The following ENTPD1 variants were observed in gnomAD, a reference collection of about 807,000 sequenced individuals.
ENTPD1 encodes the protein ectonucleoside triphosphate diphosphohydrolase 1.
ENTPD1 carries 33 observed loss-of-function variants against 57.0 expected under a neutral mutation model. The observed-to-expected ratio is 0.58, with a 90% CI of 0.44 to 0.77. The LOEUF (loss-of-function observed/expected upper bound fraction) is 0.77. Among genes scored for constraint, ENTPD1 ranks in the 30% least tolerant of loss-of-function variants. The pLI, the probability that ENTPD1 is intolerant of heterozygous loss-of-function variation, is 0.00. For missense variants in ENTPD1, 501 were observed against 603.4 expected, an observed-to-expected ratio of 0.83 and a Z score of 1.78; for synonymous variants, 202 against 218.8, an observed-to-expected ratio of 0.92 and a Z score of 0.68.
intron 7 of ENTPD1, among the ~76,000 whole-genome samples, chr10:95,858,860 T>C (rs1357654384): frequency 1.3e-5 from 2 of 152,252 alleles, no homozygotes; most frequent in African/African-American, 2.4e-5. Context: ...TAGACTCTTA[T>C]GTGGCCATTA....
intron 1 of ENTPD1, among the ~76,000 whole-genome samples, chr10:95,792,852 G>C (rs747033839): frequency 6.6e-6 from 1 of 152,210 alleles, no homozygotes; most frequent in Non-Finnish European, 1.5e-5. Context: ...GCAGAGTAAA[G>C]ATGTGCTCTG....
At chr10:95,756,520 G>T in intron 1 of ENTPD1, 1 of 453,954 alleles carries the variant, frequency 2.2e-6, no homozygotes, top group Non-Finnish European at 3.8e-6. Context: ...ATTCAGAGTT[G>T]GTTTTTTTAG....
intron 1 of ENTPD1, among the ~76,000 whole-genome samples, chr10:95,770,256 A>AGTGTGTGTGTGTGT (rs1555282687): frequency 6.8e-4 from 92 of 135,106 alleles, no homozygotes; most frequent in African/African-American, 1.5e-3. Context: ...TGAGTGAGTG[A>AGTGTGTGTGTGTGT]GTGTGTGTGT....
intron 1 of ENTPD1, among the ~76,000 whole-genome samples, chr10:95,712,221 C>T (rs558860923): frequency 5.7e-4 from 86 of 152,158 alleles, no homozygotes; most frequent in African/African-American, 2.0e-3. Context: ...TTTGTCTTTC[C>T]GTGTTGTTGT....
chr10:95,760,814 C>CTTGTTTTTTTTTTTTT (rs2098055717), intron 1 of ENTPD1, among the ~76,000 whole-genome samples: 1 of 62,956 alleles, frequency 1.6e-5, no homozygotes, highest in Non-Finnish European at 2.8e-5. Context: ...AGAGTTTATT[C>CTTGTTTTTTTTTTTTT]TTTTTTTTTT....
Position 95,809,594 on chromosome 10 carries a change from G to A in ENTPD1, c.17-13643G>A, listed in dbSNP as rs538690037. Among the ~76,000 whole-genome samples, 252 of 134,354 alleles carry A rather than the reference G, an allele frequency of 1.9e-3. 5 individuals carry two copies. Among genetic ancestry groups the A allele is most frequent in the African/African-American group, 6.5e-3 (234 of 35,944 alleles). 88.1% of individuals were successfully genotyped at this position (134,354 alleles called of 152,430 possible). ...AGAGGCGCCCCCCCACCTCCCAGAC[G>A]GGGCGGATGCCAGGCAGAGGCGCTC... is the stretch of plus-strand genomic sequence containing the variant. On this transcript the variant is annotated intron_variant, in intron 1 of 9. Coordinates refer to ENST00000371205, the MANE Select transcript of ENTPD1 (RefSeq NM_001776.6).
At chr10:95,792,096 G>A (rs1328457270) in intron 1 of ENTPD1, among the ~76,000 whole-genome samples, 1 of 152,082 alleles carries the variant, frequency 6.6e-6, no homozygotes, top group Non-Finnish European at 1.5e-5. Flanking sequence ...AAAGAAGTGA[G>A]AGTGGGAATG....
chr10:95,752,070 T>G (rs891633887), upstream of ENTPD1, among the ~76,000 whole-genome samples: 2 of 151,800 alleles, frequency 1.3e-5, no homozygotes, highest in African/African-American at 4.8e-5. Flanking sequence ...TAAGGAGAGA[T>G]CAATTTTCAA....
chr10:95,838,077 C>T (rs1350792524), intron 2 of ENTPD1, among the ~76,000 whole-genome samples: 1 of 152,156 alleles, frequency 6.6e-6, no homozygotes, highest in Non-Finnish European at 1.5e-5. Context: ...TAAGCAGCCA[C>T]GTGACAAGCG....
At chr10:95,829,253 A>T (rs189760523) in intron 2 of ENTPD1, among the ~76,000 whole-genome samples, 1 of 152,192 alleles carries the variant, frequency 6.6e-6, no homozygotes. Flanking sequence ...AAATTACCAC[A>T]TTGGGCCACT....
chr10:95,775,605 T>C (rs991815263), intron 1 of ENTPD1, among the ~76,000 whole-genome samples: 2 of 152,066 alleles, frequency 1.3e-5, no homozygotes, highest in South Asian at 2.1e-4. Context: ...TTTTTGTCTT[T>C]GGTATATTCT....
intron 1 of ENTPD1, among the ~76,000 whole-genome samples, chr10:95,793,489 A>G (rs2098214086): frequency 6.6e-6 from 1 of 152,120 alleles, no homozygotes. Context: ...TCCCCTTCTC[A>G]TCCGCCATTA....
chr10:95,844,850 A>G (rs973351524), intron 5 of ENTPD1: 13 of 659,934 alleles, frequency 2.0e-5, no homozygotes, highest in Admixed American at 4.7e-5. Context: ...GAATAAGGAC[A>G]TGTCTTTACC....
In ENTPD1 at chr10:95,811,327, G is replaced by A. The variant is rs372931144; in HGVS notation, c.17-11910G>A. Among the ~76,000 whole-genome samples, 10 of 152,326 alleles carry A rather than the reference G, an allele frequency of 6.6e-5. No individual in the cohort carries two copies. The East Asian group carries it at 1.9e-3, about 29-fold the overall frequency. On this transcript the variant is annotated intron_variant, in intron 1 of 9. Coordinates refer to ENST00000371205, the MANE Select transcript of ENTPD1 (RefSeq NM_001776.6). ...TTGGTGAGTGGCTGACAGGGTGCTA[G>A]AGTGGGCAAAGTCAACATTAAACCA...
chr10:95,803,185 A>G (rs1254058871), intron 1 of ENTPD1, among the ~76,000 whole-genome samples: 1 of 152,172 alleles, frequency 6.6e-6, no homozygotes, highest in Non-Finnish European at 1.5e-5. Context: ...CTTCCTGTCC[A>G]TGAGCATGGA....
At chr10:95,845,280 A>T in intron 5 of ENTPD1, 77 bp from the exon 6 acceptor site, 1 of 1,605,096 alleles carries the variant, frequency 6.2e-7, no homozygotes, top group East Asian at 2.2e-5. Flanking sequence ...GCCTTAGGAA[A>T]TCCCTGACTC....
chr10:95,839,027 A>G (rs1292697215), intron 2 of ENTPD1, among the ~76,000 whole-genome samples: 1 of 152,238 alleles, frequency 6.6e-6, no homozygotes, highest in Non-Finnish European at 1.5e-5. Context: ...AGTTATATTC[A>G]TAATTTAAAA....
chr10:95,841,089 TAA>T (rs1161786400), intron 3 of ENTPD1, among the ~76,000 whole-genome samples: 3 of 152,132 alleles, frequency 2.0e-5, no homozygotes, highest in Admixed American at 1.3e-4. Flanking sequence ...CTTCCATTTT[TAA>T]AAGTTATTTT....
At chr10:95,828,969 C>G (rs533775189) in intron 2 of ENTPD1, among the ~76,000 whole-genome samples, 6 of 152,262 alleles carry the variant, frequency 3.9e-5, no homozygotes, top group African/African-American at 7.2e-5. Context: ...CCTCGGCCTC[C>G]CAAAGTGCTG....
Sources: allele counts gnomAD v4.1 joint callset (sites outside exome capture counted in the v4.1 genomes callset), GRCh38; gene constraint gnomAD v4.1.1; transcripts MANE v1.5; gene names NCBI Gene and HGNC (gene_info 2026-07-23, HGNC 2026-07-21).